Variants in PTPRN2 observed in about 807,000 individuals in gnomAD.
PTPRN2 encodes the protein protein tyrosine phosphatase receptor type N2.
A neutral mutation model predicts 118.8 loss-of-function variants in PTPRN2; 74 were observed. The ratio of observed to expected loss-of-function variants is 0.62; its 90% CI spans 0.52 to 0.76. The LOEUF (loss-of-function observed/expected upper bound fraction) is 0.76, where lower values mean the gene tolerates loss of function less well. Ranked by LOEUF, PTPRN2 falls within the 30% of genes least tolerant of loss-of-function variation. PTPRN2 has a pLI of 0.00. For synonymous variants in PTPRN2, 641 were observed against 608.0 expected, an observed-to-expected ratio of 1.05 and a Z score of -0.80; for missense variants, 1,481 against 1,394.4, an observed-to-expected ratio of 1.06 and a Z score of -0.99.
chr7:157,838,984 A>T (rs540490058), intron 12 of PTPRN2, among the ~76,000 whole-genome samples: 1 of 139,820 alleles, frequency 7.2e-6, no homozygotes, highest in East Asian at 2.1e-4. Flanking sequence ...GGCATGGGAG[A>T]AAGCTCCTCT....
At chr7:157,616,112 C>T (rs950330630) in intron 15 of PTPRN2, 4 of 157,648 alleles carry the variant, frequency 2.5e-5, no homozygotes, top group African/African-American at 9.6e-5. Context: ...GTGAGACCCT[C>T]CCCACACGAA....
At chr7:158,167,906 A>G (rs749017675) in intron 5 of PTPRN2, among the ~76,000 whole-genome samples, 1 of 152,226 alleles carries the variant, frequency 6.6e-6, no homozygotes, top group Non-Finnish European at 1.5e-5. Flanking sequence ...TTCACCTATC[A>G]GTTGATGGAC....
chr7:158,040,776 G>C (rs573895017), intron 11 of PTPRN2, among the ~76,000 whole-genome samples: 1 of 126,240 alleles, frequency 7.9e-6, no homozygotes, highest in South Asian at 2.3e-4. Context: ...TCTATTGCTC[G>C]GGCTGAAGTG....
intron 15 of PTPRN2, chr7:157,614,230 C>T: frequency 4.8e-6 from 2 of 420,190 alleles, no homozygotes; most frequent in South Asian, 3.6e-5. Context: ...GGCAAGGTCG[C>T]AGAGCAGGCT....
At chr7:157,568,242 C>A (rs1263413408) in intron 21 of PTPRN2, among the ~76,000 whole-genome samples, 1 of 152,196 alleles carries the variant, frequency 6.6e-6, no homozygotes, top group Non-Finnish European at 1.5e-5. Context: ...AGACTCCCCA[C>A]GCCGTCTGCG....
Position 157,869,172 on chromosome 7 carries a change from C to T in PTPRN2, c.1788+29501G>A, listed in dbSNP as rs1444401427. 1 of 152,116 alleles carries T rather than the reference C, an allele frequency of 6.6e-6. No individual in the cohort carries two copies. Among genetic ancestry groups the T allele is most frequent in the Non-Finnish European group, 1.5e-5 (1 of 68,022 alleles). 9.4% of individuals were successfully genotyped at this position (152,116 alleles called of 1,614,324 possible). On this transcript the variant is annotated intron_variant, in intron 12 of 22. Coordinates refer to ENST00000389418, the MANE Select transcript of PTPRN2 (RefSeq NM_002847.5). The surrounding 1 kb of genome is among the most constrained non-coding windows in gnomAD (Gnocchi z 4.2). ...TCTTTCTACAAATCTTTCCTGATAC[C>T]TCAACTTTGCCAGGGTCCTAAGCGT...
At chr7:158,296,527 T>C (rs2151034089) in intron 3 of PTPRN2, among the ~76,000 whole-genome samples, 1 of 152,330 alleles carries the variant, frequency 6.6e-6, no homozygotes, top group African/African-American at 2.4e-5. Context: ...GAGGGTCTAA[T>C]TGAGCTGGTT....
At chr7:157,655,436 G>C (rs1806008420) in intron 14 of PTPRN2, among the ~76,000 whole-genome samples, 1 of 152,226 alleles carries the variant, frequency 6.6e-6, no homozygotes, top group Non-Finnish European at 1.5e-5. Flanking sequence ...TTGTGGTCCA[G>C]ATCCACCAGT....
chr7:158,087,639 CTTCACACAAACCTTCCTCCCCTGAT>C (rs1813547872), intron 10 of PTPRN2, among the ~76,000 whole-genome samples: 2 of 152,082 alleles, frequency 1.3e-5, no homozygotes, highest in Non-Finnish European at 1.5e-5. Context: ...AGGAGGGAGT[CTTCACACAAACCTTCCTCCCCTGAT>C]GAAGGAGGGA....
intron 12 of PTPRN2, among the ~76,000 whole-genome samples, chr7:157,743,183 C>A (rs1206614907): frequency 6.6e-6 from 1 of 152,200 alleles, no homozygotes; most frequent in African/African-American, 2.4e-5. Context: ...GTCAGGAGGT[C>A]TCTTGGGGTG....
At chr7:157,799,167 C>T (rs969306908) in intron 12 of PTPRN2, among the ~76,000 whole-genome samples, 11 of 152,120 alleles carry the variant, frequency 7.2e-5, no homozygotes, top group South Asian at 4.1e-4. Flanking sequence ...AGCAGGAGCA[C>T]GCTGTGTGCT....
At chr7:158,346,384 G>C (rs575964196) in intron 2 of PTPRN2, among the ~76,000 whole-genome samples, 1 of 152,182 alleles carries the variant, frequency 6.6e-6, no homozygotes, top group East Asian at 1.9e-4. Context: ...AGATCATGCG[G>C]TATTTGTCTT....
At chr7:158,312,498 G>A (rs116099804) in intron 3 of PTPRN2, among the ~76,000 whole-genome samples, 1,785 of 145,062 alleles carry the variant, frequency 0.012, 51 homozygotes, top group African/African-American at 0.042. Flanking sequence ...ACGTGCTCAC[G>A]TGTAGACACC....
rs147111668 is a variant in PTPRN2 at position 158,015,454 on chromosome 7, T to TGAGAGAGA, written c.1723+65836_1723+65843dup. On this transcript the variant is annotated intron_variant, in intron 11 of 22. Transcript: ENST00000389418. The surrounding 1 kb of genome is among the most constrained non-coding windows in gnomAD (Gnocchi z 4.2). ...AGGGAAAAAGTGAGAGGAGGGGTGG[T>TGAGAGAGA]GAGAGAGAGAGAGAGAGGAAGAGAG... Among the ~76,000 whole-genome samples the TGAGAGAGA allele has an allele frequency of 2.4e-5, 3 of 127,652 alleles. No individual in the cohort carries two copies. Among genetic ancestry groups the TGAGAGAGA allele is most frequent in the Non-Finnish European group, 4.9e-5 (3 of 61,342 alleles). The allele number at this position is 127,652 out of a possible 152,430, so 83.7% of individuals were successfully genotyped here.
intron 2 of PTPRN2, among the ~76,000 whole-genome samples, chr7:158,338,193 C>A (rs373458960): frequency 2.6e-5 from 1 of 39,146 alleles, no homozygotes; most frequent in African/African-American, 1.1e-4. Flanking sequence ...GAGGTGACAC[C>A]TGCAGACGTC....
chr7:157,689,985 C>T (rs1454530869), intron 12 of PTPRN2, among the ~76,000 whole-genome samples: 1 of 152,210 alleles, frequency 6.6e-6, no homozygotes, highest in African/African-American at 2.4e-5. Context: ...GGCTGCTCGC[C>T]CCTTCCCTCC....
At chr7:158,298,745 A>G (rs1057209410) in intron 3 of PTPRN2, among the ~76,000 whole-genome samples, 4 of 152,092 alleles carry the variant, frequency 2.6e-5, no homozygotes, top group Non-Finnish European at 4.4e-5. Context: ...AGGCCCCACA[A>G]TGTCACCTCC....
intron 12 of PTPRN2, chr7:157,863,452 G>A (rs1481261847): frequency 6.6e-6 from 1 of 152,228 alleles, no homozygotes; most frequent in African/African-American, 2.4e-5. Context: ...CTACTAGCTC[G>A]GGGTGTGAAG....
chr7:158,053,950 CAG>C (rs1415786675), intron 11 of PTPRN2, among the ~76,000 whole-genome samples: 1 of 149,476 alleles, frequency 6.7e-6, no homozygotes, highest in East Asian at 2.0e-4. Flanking sequence ...TCCAGAGATG[CAG>C]AGACCCCAGA....
Sources: gnomAD v4.1 joint callset for allele counts (sites outside exome capture counted in the v4.1 genomes callset) on GRCh38, gnomAD v4.1.1 for gene constraint, Gnocchi (gnomAD v3.1) non-coding constraint, MANE v1.5 for transcripts, NCBI Gene and HGNC (gene_info 2026-07-23, HGNC 2026-07-21) for gene names.